ABCA13: variants seen among roughly 807,000 people sequenced by gnomAD.
ABCA13 encodes the protein ATP-binding cassette sub-family A member 13.
A neutral mutation model predicts 478.7 loss-of-function variants in ABCA13; 476 were observed. That is an observed-to-expected ratio of 0.99 (90% CI 0.92 to 1.07). ABCA13 has a LOEUF of 1.07. ABCA13 is among the 50% of genes least tolerant of loss of function. The probability of loss-of-function intolerance (pLI) is 0.00; values close to 1 mark genes in which losing one functional copy is unlikely to be tolerated. For missense variants in ABCA13, 6,060 were observed against 5,910.6 expected (o/e 1.03, Z -0.83); for synonymous variants, 2,252 against 2,158.9 (o/e 1.04, Z -1.20).
At chr7:48,419,762 T>C (rs1283147981) in intron 41 of ABCA13, among the ~76,000 whole-genome samples, 1 of 152,186 alleles carries the variant, frequency 6.6e-6, no homozygotes, top group Admixed American at 6.5e-5. Flanking sequence ...TAAATATTGA[T>C]TTACTAGATT....
intron 40 of ABCA13, among the ~76,000 whole-genome samples, chr7:48,411,239 T>C (rs529361741): frequency 2.0e-4 from 27 of 138,380 alleles, no homozygotes; most frequent in African/African-American, 6.5e-4. Context: ...CTTTCTTTCT[T>C]TCTCTTTCTG....
chr7:48,277,240 C>T (rs955114255), intron 17 of ABCA13, among the ~76,000 whole-genome samples: 1 of 152,082 alleles, frequency 6.6e-6, no homozygotes, highest in Non-Finnish European at 1.5e-5. Flanking sequence ...CCACAGTAGG[C>T]AGGGGCGCCC....
chr7:48,205,771 G>A (rs1784845022), intron 3 of ABCA13, among the ~76,000 whole-genome samples: 1 of 151,860 alleles, frequency 6.6e-6, no homozygotes, highest in Admixed American at 6.6e-5. Context: ...TTACTTCCTT[G>A]TTACTTTATA....
At chr7:48,593,759 A>G (rs537488327) in intron 57 of ABCA13, among the ~76,000 whole-genome samples, 17 of 151,772 alleles carry the variant, frequency 1.1e-4, no homozygotes, top group Non-Finnish European at 1.9e-4. Flanking sequence ...TATTGTGTCA[A>G]TGAACTCTTT....
chr7:48,471,463 C>G (rs1226418882), intron 44 of ABCA13, 67 bp from the exon 45 acceptor site: 5 of 1,416,206 alleles, frequency 3.5e-6, no homozygotes, highest in South Asian at 1.2e-5. Flanking sequence ...ATGAAACTCT[C>G]TTTTATGGAA....
Position 48,279,534 on chromosome 7 carries a change from G to A in ABCA13, c.8340G>A (p.Glu2780=), listed in dbSNP as rs759680632. ...NLLKTIETVL[E]ASSGIKSDYE... ...TGAAAACCATAGAAACAGTTTTAGA[G>A]GCCTCCAGTGGAATTAAAAGTGACT... is the stretch of plus-strand genomic sequence containing the variant. The change falls in exon 18 of 62, where the codon GAG becomes GAA. Residue 2780 remains glutamate (E), a synonymous_variant. Transcript: ENST00000435803. The A allele has an allele frequency of 1.5e-4, 236 of 1,613,306 alleles. No homozygotes were observed. The highest frequency in any genetic ancestry group is 1.9e-4 in the Non-Finnish European group (223 of 1,179,648).
chr7:48,415,523 T>A (rs1585225120), intron 41 of ABCA13, among the ~76,000 whole-genome samples: 1 of 152,194 alleles, frequency 6.6e-6, no homozygotes, highest in African/African-American at 2.4e-5. Flanking sequence ...AGCACACTTA[T>A]CAGTGAAATA....
chr7:48,278,570 T>C lies in ABCA13; in HGVS notation c.7376T>C (p.Phe2459Ser), dbSNP rs1242740956. 7.4e-6 allele frequency: 12 copies of C among 1,613,962 alleles called. No homozygotes were observed. The highest frequency in any genetic ancestry group is 1.0e-5 in the Non-Finnish European group (12 of 1,179,868). ...ILANLTDLLF[F>S]INNSFPLRNR... ...GCTAATCTAACGGATTTGCTTTTCT[T>C]TATAAATAATTCATTCCCTCTAAGA... Residue 2459 changes from phenylalanine (F) to serine (S), a missense_variant, in exon 18 of 62, where the codon TTT (phenylalanine) becomes TCT (serine). Coordinates refer to ENST00000435803, the MANE Select transcript of ABCA13 (RefSeq NM_152701.5).
At position 48,559,377 on chromosome 7, in the gene ABCA13, T is replaced by C. The variant is rs570554546; in HGVS notation, c.14355-20847T>C. ...GTCCCTTTAAAGCCCAAGAATCAGC[T>C]TGTGATAAATGCTGCCAGGCCTGTG... On this transcript the variant is annotated intron_variant, in intron 55 of 61. Coordinates refer to ENST00000435803, the MANE Select transcript of ABCA13 (RefSeq NM_152701.5). Among the ~76,000 whole-genome samples the C allele has an allele frequency of 2.5e-4, 38 of 152,198 alleles. 1 individual carries two copies. The South Asian group carries it at 7.3e-3, about 29-fold the overall frequency.
chr7:48,408,005 G>T (rs1554497980), intron 39 of ABCA13, among the ~76,000 whole-genome samples: 1 of 152,152 alleles, frequency 6.6e-6, no homozygotes, highest in Non-Finnish European at 1.5e-5. Context: ...AGGGACAAAT[G>T]TATGTATACA....
At chr7:48,338,497 T>G in intron 29 of ABCA13, 42 bp downstream of exon 29, 1 of 1,498,146 alleles carries the variant, frequency 6.7e-7, no homozygotes, top group Non-Finnish European at 9.0e-7. Flanking sequence ...TCTGCCCATA[T>G]GGCTCTGCCA....
In ABCA13 at chr7:48,367,834, A is replaced by T; in HGVS notation, c.10729A>T (p.Met3577Leu). 6.3e-7 allele frequency: 1 copy of T among 1,578,866 alleles called. No individual in the cohort carries two copies. Among genetic ancestry groups the T allele is most frequent in the Non-Finnish European group, 8.6e-7 (1 of 1,161,092 alleles). Residue 3577 changes from methionine to leucine, a missense_variant, in exon 32 of 62, where the codon ATG (methionine) becomes TTG (leucine). Physicochemically the swap from Met to Leu is conservative, Grantham distance 15. Coordinates refer to ENST00000435803, the MANE Select transcript of ABCA13 (RefSeq NM_152701.5). ...TGGTTTCTTTTTTCCACTGATAATG[A>T]TGCTGACGTGGATGGTGTCTGTGGC... is the stretch of plus-strand genomic sequence containing the variant. The part of the protein sequence containing the change: ...NVGFFFPLIM[M>L]LTWMVSVASM...
In ABCA13 at chr7:48,420,492, T is replaced by C. The variant is rs1332200433; in HGVS notation, c.12460-7274T>C. On this transcript the variant is annotated intron_variant, in intron 41 of 61. Coordinates refer to ENST00000435803, the MANE Select transcript of ABCA13 (RefSeq NM_152701.5). The stretch of plus-strand genomic sequence containing the variant: ...TCTGGCATAATGCAAACAGAGTAAA[T>C]TTTTGCAGTGTATTTTTTAATAGTT... 2.0e-5 allele frequency among the ~76,000 whole-genome samples: 3 copies of C among 152,298 alleles called. 1 individual carries two copies. Among genetic ancestry groups the C allele is most frequent in the Middle Eastern group, 6.8e-3 (2 of 294 alleles).
intron 31 of ABCA13, among the ~76,000 whole-genome samples, chr7:48,359,428 C>T (rs968974092): frequency 7.2e-5 from 11 of 152,036 alleles, no homozygotes; most frequent in African/African-American, 2.4e-4. Flanking sequence ...CGGAAGGCAG[C>T]GGAGACAGAG....
At chr7:48,437,439 A>C (rs538783960) in intron 42 of ABCA13, among the ~76,000 whole-genome samples, 1 of 152,048 alleles carries the variant, frequency 6.6e-6, no homozygotes, top group Admixed American at 6.6e-5. Flanking sequence ...TGTAGAAGGC[A>C]TGCATTTGGA....
chr7:48,557,828 T>C (rs973096970), intron 55 of ABCA13, among the ~76,000 whole-genome samples: 43 of 152,186 alleles, frequency 2.8e-4, no homozygotes, highest in Admixed American at 1.6e-3. Context: ...TACTTAAATG[T>C]TGATATCCTT....
At chr7:48,290,520 G>A (rs1798360096) in intron 20 of ABCA13, among the ~76,000 whole-genome samples, 1 of 152,060 alleles carries the variant, frequency 6.6e-6, no homozygotes, top group African/African-American at 2.4e-5. Flanking sequence ...GAAGAAACTT[G>A]GAATTTTTCT....
At position 48,314,353 on chromosome 7, in the gene ABCA13, G is replaced by T. The variant is rs1383331563; in HGVS notation, c.9803G>T (p.Arg3268Ile). The stretch of plus-strand genomic sequence containing the variant: ...TCTAATATGTTTATTAATTTGCCCA[G>T]AGTTAAGGAACTCTTGGAAGATGAC... The part of the protein sequence containing the change: ...SDSNMFINLP[R>I]VKELLEDDKE... The change falls in exon 26 of 62, where the codon AGA becomes ATA. Residue 3268 changes from arginine (R) to isoleucine (I), a missense_variant. Arg to Ile is a moderately conservative substitution (Grantham distance 97, BLOSUM62 -3). Transcript: ENST00000435803. 2 of 1,610,940 alleles carry T rather than the reference G, an allele frequency of 1.2e-6. No homozygotes were observed. Among genetic ancestry groups the T allele is most frequent in the East Asian group, 4.5e-5 (2 of 44,856 alleles).
chr7:48,241,161 A>G (rs986180995), intron 10 of ABCA13, 95 bp downstream of exon 10: 3 of 1,377,782 alleles, frequency 2.2e-6, no homozygotes, highest in Non-Finnish European at 3.0e-6. Flanking sequence ...ATTCTGTAAA[A>G]CTACAGCTAA....
Sources: gnomAD v4.1 joint callset for allele counts (sites outside exome capture counted in the v4.1 genomes callset) on GRCh38, gnomAD v4.1.1 for gene constraint, MANE v1.5 for transcripts, NCBI Gene and HGNC (gene_info 2026-07-23, HGNC 2026-07-21) for gene names.